RASA3: variants seen among roughly 807,000 people sequenced by gnomAD.
RASA3 encodes the protein RAS p21 protein activator 3.
RASA3 carries 73 observed loss-of-function variants against 110.0 expected under a neutral mutation model. The observed-to-expected ratio is 0.66, with a 90% confidence interval of 0.55 to 0.81. The LOEUF is 0.81. Ranked by LOEUF, RASA3 falls within the 30% of genes least tolerant of loss-of-function variation. The pLI, the probability that RASA3 is intolerant of heterozygous loss-of-function variation, is 0.00. For missense variants in RASA3, 976 were observed against 1,113.2 expected (o/e 0.88, Z 1.75); for synonymous variants, 500 against 451.4 (o/e 1.11, Z -1.37).
rs1343973425 is a variant in RASA3 at position 114,057,395 on chromosome 13, G to T, written c.174-5240C>A. 1 of 985,266 alleles carries T rather than the reference G, an allele frequency of 1.0e-6. No individual in the cohort carries two copies. The highest frequency in any genetic ancestry group is 4.7e-5 in the South Asian group (1 of 21,294). 61.0% of individuals were successfully genotyped at this position (985,266 alleles called of 1,614,324 possible). On this transcript the variant is annotated intron_variant, in intron 2 of 23. Coordinates refer to ENST00000334062, the MANE Select transcript of RASA3 (RefSeq NM_007368.4). The surrounding 1 kb of genome is among the most constrained non-coding windows in gnomAD (Gnocchi z 5.0). ...AAGGCATTGCAGGGCAGTGGGGTCC[G>T]GAGAGGCGGCCGTGCTACAGGCCTT...
At chr13:114,061,793 C>G (rs979761577) in intron 2 of RASA3, among the ~76,000 whole-genome samples, 1 of 152,212 alleles carries the variant, frequency 6.6e-6, no homozygotes, top group African/African-American at 2.4e-5. Flanking sequence ...GGCAGGCTGC[C>G]TTCTCTCCAG....
intron 20 of RASA3, among the ~76,000 whole-genome samples, chr13:113,998,104 C>T (rs2053297112): frequency 6.6e-6 from 1 of 152,174 alleles, no homozygotes. Context: ...GAACAGGCGG[C>T]TGAAACTAGG....
At chr13:114,030,064 GC>G (rs2054118330) in intron 4 of RASA3, among the ~76,000 whole-genome samples, 177 bp from the exon 5 acceptor site, 1 of 152,252 alleles carries the variant, frequency 6.6e-6, no homozygotes, top group African/African-American at 2.4e-5. Context: ...CCCAGCTGTG[GC>G]CTTTCTCCAG....
intron 2 of RASA3, among the ~76,000 whole-genome samples, chr13:114,071,043 A>G (rs1434273312): frequency 1.3e-5 from 2 of 152,156 alleles, no homozygotes; most frequent in African/African-American, 4.8e-5. Flanking sequence ...TCCACGCTAA[A>G]CGGTGCCACA....
chr13:113,988,969 CCT>C (rs1173746908), intron 22 of RASA3, among the ~76,000 whole-genome samples: 16 of 146,070 alleles, frequency 1.1e-4, no homozygotes, highest in South Asian at 2.3e-4. Context: ...CATCACTCAC[CCT>C]GTCCGTACAC....
At chr13:114,079,451 G>A (rs1048993794) in intron 1 of RASA3, among the ~76,000 whole-genome samples, 3 of 152,174 alleles carry the variant, frequency 2.0e-5, no homozygotes, top group Non-Finnish European at 2.9e-5. Context: ...TCGTCCCAAC[G>A]CAAAACATTC....
At chr13:114,046,763 A>G (rs2079059765) in intron 3 of RASA3, among the ~76,000 whole-genome samples, 1 of 152,188 alleles carries the variant, frequency 6.6e-6, no homozygotes, top group African/African-American at 2.4e-5. Context: ...AAGAGAATAC[A>G]GAGGCCACAA....
chr13:114,092,025 C>A (rs1471363273), intron 1 of RASA3, among the ~76,000 whole-genome samples: 2 of 151,552 alleles, frequency 1.3e-5, no homozygotes, highest in Non-Finnish European at 2.9e-5. Flanking sequence ...TATAATGTTT[C>A]TTTTTCCATC....
At chr13:114,029,739 C>A in intron 5 of RASA3, 72 bp downstream of exon 5, 1 of 1,413,378 alleles carries the variant, frequency 7.1e-7, no homozygotes, top group African/African-American at 1.4e-5. Flanking sequence ...GGTGTGAAAA[C>A]CCCTGTGTGC....
chr13:114,008,919 GTGGGGAGGAGCAGAGCCCTGCGGTC>G (rs2053571057), intron 17 of RASA3, among the ~76,000 whole-genome samples: 1 of 92,398 alleles, frequency 1.1e-5, no homozygotes, highest in Non-Finnish European at 2.1e-5. Flanking sequence ...GTTCCTGACT[GTGGGGAGGAGCAGAGCCCTGCGGTC>G]TGGATGTTCC....
At chr13:114,078,125 G>GGCCACGTCGCCCCGGGGCCTC (rs2079723635) in intron 1 of RASA3, 1 of 539,614 alleles carries the variant, frequency 1.9e-6, no homozygotes, top group African/African-American at 2.1e-5. Flanking sequence ...AGCACGGCCT[G>GGCCACGTCGCCCCGGGGCCTC]GCCACGTCGC....
chr13:114,054,019 G>A lies in RASA3; in HGVS notation c.174-1864C>T, dbSNP rs973419238. Among the ~76,000 whole-genome samples, 14 of 152,178 alleles carry A rather than the reference G, an allele frequency of 9.2e-5. No homozygotes were observed. In the East Asian group the frequency reaches 1.9e-3, roughly 21 times the overall value. ...TGGGCGCCTGTAGTCCCAGCTACTC[G>A]GGAGGCTGAGGCAGGAGAATCGCTT... is the stretch of plus-strand genomic sequence containing the variant. On this transcript the variant is annotated intron_variant, in intron 2 of 23. Transcript: ENST00000334062.
At chr13:114,018,055 C>T in intron 11 of RASA3, 49 bp downstream of exon 11, 1 of 1,445,576 alleles carries the variant, frequency 6.9e-7, no homozygotes, top group Non-Finnish European at 9.2e-7. Context: ...CCTTGCCATC[C>T]CTGTAGCGGG....
In RASA3 at chr13:114,011,314, G is replaced by T; in HGVS notation, c.1513-66C>A. ...AGAAATGCTGTGACTGTCCCAGATC[G>T]AGGGGACGAAATGCAGGAGTCACCT... On this transcript the variant is annotated intron_variant, in intron 15 of 23. Coordinates refer to ENST00000334062, the MANE Select transcript of RASA3 (RefSeq NM_007368.4). The surrounding 1 kb of genome is among the most constrained non-coding windows in gnomAD (Gnocchi z 4.8). 7.1e-7 allele frequency: 1 copy of T among 1,398,908 alleles called. No individual in the cohort carries two copies. The allele number at this position is 1,398,908 out of a possible 1,614,324, so 86.7% of individuals were successfully genotyped here.
chr13:114,062,027 GC>G (rs1396331202), intron 2 of RASA3, among the ~76,000 whole-genome samples: 1 of 152,130 alleles, frequency 6.6e-6, no homozygotes, highest in Non-Finnish European at 1.5e-5. Context: ...TCGGACTGAC[GC>G]CGTCCTGGAC....
intron 2 of RASA3, among the ~76,000 whole-genome samples, chr13:114,070,744 G>A (rs1243735883): frequency 1.5e-5 from 2 of 137,894 alleles, no homozygotes; most frequent in East Asian, 2.2e-4. Context: ...CGGCGTCCAC[G>A]CTAAACGGCT....
intron 22 of RASA3, among the ~76,000 whole-genome samples, chr13:113,990,077 ATCTC>A (rs143863041): frequency 0.011 from 1,729 of 151,888 alleles, 20 homozygotes; most frequent in African/African-American, 0.04. Context: ...ATCTACCCCC[ATCTC>A]TCTCTCTTGC....
chr13:114,065,659 T>G lies in RASA3; in HGVS notation c.173+8061A>C, dbSNP rs2079434515. Among the ~76,000 whole-genome samples the G allele has an allele frequency of 6.6e-6, 1 of 151,384 alleles. No homozygotes were observed. Among genetic ancestry groups the G allele is most frequent in the Non-Finnish European group, 1.5e-5 (1 of 67,798 alleles). On this transcript the variant is annotated intron_variant, in intron 2 of 23. Coordinates refer to ENST00000334062, the MANE Select transcript of RASA3 (RefSeq NM_007368.4). This position sits in a 1 kb window ranked among gnomAD's most constrained non-coding sequence, Gnocchi z 4.1. ...CTCCCACAGACCGCAGGCTGGAGAATGGGGGTCCGCGGTCAGCTCATAGCC... is the reference window on the plus strand; with the variant it reads ...CTCCCACAGACCGCAGGCTGGAGAAGGGGGGTCCGCGGTCAGCTCATAGCC...
At chr13:114,064,226 G>A (rs2079408024) in intron 2 of RASA3, among the ~76,000 whole-genome samples, 1 of 152,216 alleles carries the variant, frequency 6.6e-6, no homozygotes, top group East Asian at 1.9e-4. Flanking sequence ...GAGGCTGCGA[G>A]GCCAGCCACG....
Sources: gnomAD v4.1 joint callset for allele counts (sites outside exome capture counted in the v4.1 genomes callset) on GRCh38, gnomAD v4.1.1 for gene constraint, Gnocchi (gnomAD v3.1) non-coding constraint, MANE v1.5 for transcripts, NCBI Gene and HGNC (gene_info 2026-07-23, HGNC 2026-07-21) for gene names.